The following NAV2 variants were observed in gnomAD, a reference collection of about 807,000 sequenced individuals.
NAV2 encodes the protein helicase, APC down-regulated 1.
In NAV2, 54 loss-of-function variants were observed where a neutral mutation model predicts 223.2. The observed-to-expected ratio is 0.24, with a 90% CI of 0.19 to 0.30. The LOEUF is 0.30. Ranked by LOEUF, NAV2 falls within the 10% of genes least tolerant of loss-of-function variation. The pLI is 1.00. For synonymous variants in NAV2, 1,279 were observed against 1,239.3 expected, an observed-to-expected ratio of 1.03 and a Z score of -0.67; for missense variants, 2,806 against 3,147.5, an observed-to-expected ratio of 0.89 and a Z score of 2.60.
chr11:19,862,012 C>G (rs1277393090), intron 3 of NAV2, among the ~76,000 whole-genome samples: 2 of 152,098 alleles, frequency 1.3e-5, no homozygotes, highest in African/African-American at 4.8e-5. Context: ...AGGTTGCTTT[C>G]TTTGTTTCAA....
intron 22 of NAV2, among the ~76,000 whole-genome samples, chr11:20,068,819 T>A (rs1489579714): frequency 1.3e-5 from 2 of 152,220 alleles, no homozygotes; most frequent in Non-Finnish European, 2.9e-5. Flanking sequence ...TCTGTCATTG[T>A]GATATACACG....
chr11:19,777,100 C>T (rs113091872), intron 1 of NAV2, among the ~76,000 whole-genome samples: 5,043 of 150,750 alleles, frequency 0.033, 159 homozygotes, highest in Middle Eastern at 0.063. Context: ...CCGACCCCCC[C>T]CCCCACCCCG....
intron 1 of NAV2, among the ~76,000 whole-genome samples, chr11:19,482,995 A>G (rs961199329): frequency 6.6e-6 from 1 of 152,168 alleles, no homozygotes; most frequent in South Asian, 2.1e-4. Flanking sequence ...GTTGTGCACC[A>G]TTGCCTTTCC....
At chr11:19,603,587 AC>A (rs2046403537) in intron 1 of NAV2, among the ~76,000 whole-genome samples, 1 of 145,558 alleles carries the variant, frequency 6.9e-6, no homozygotes, top group South Asian at 2.2e-4. Context: ...AGATTGCGCC[AC>A]TGCACTGCAC....
At chr11:19,369,935 GTTCAC>G (rs1848416109) in intron 1 of NAV2, among the ~76,000 whole-genome samples, 1 of 152,148 alleles carries the variant, frequency 6.6e-6, no homozygotes, top group Non-Finnish European at 1.5e-5. Flanking sequence ...AGGCTTCTGG[GTTCAC>G]TTCTCTGTAT....
chr11:19,494,895 G>T (rs2042745447), intron 1 of NAV2, among the ~76,000 whole-genome samples: 1 of 152,214 alleles, frequency 6.6e-6, no homozygotes. Flanking sequence ...CCGGGCTGTT[G>T]TGGTGCTGCA....
intron 26 of NAV2, among the ~76,000 whole-genome samples, chr11:20,089,128 T>C (rs1275470247): frequency 6.6e-6 from 1 of 152,230 alleles, no homozygotes; most frequent in Non-Finnish European, 1.5e-5. Context: ...CTCGCCCTTT[T>C]AGTCCTGAAT....
intron 1 of NAV2, among the ~76,000 whole-genome samples, chr11:19,465,855 A>G (rs895400676): frequency 2.0e-5 from 3 of 152,170 alleles, no homozygotes; most frequent in African/African-American, 4.8e-5. Flanking sequence ...GCTCTTTCTA[A>G]TATTTTAGGA....
At chr11:20,090,123 G>A (rs2153681874) in intron 26 of NAV2, among the ~76,000 whole-genome samples, 1 of 152,284 alleles carries the variant, frequency 6.6e-6, no homozygotes, top group African/African-American at 2.4e-5. Flanking sequence ...ATGTGATCAG[G>A]AACAGATTAA....
intron 1 of NAV2, among the ~76,000 whole-genome samples, chr11:19,522,476 G>A (rs888300446): frequency 6.6e-6 from 1 of 152,184 alleles, no homozygotes; most frequent in East Asian, 1.9e-4. Flanking sequence ...TCAGCAGTAA[G>A]GGGCCAGCAA....
rs186830471 is a variant in NAV2 at position 19,736,851 on chromosome 11, A to G, written c.267+22889A>G. On this transcript the variant is annotated intron_variant, in intron 1 of 37. Coordinates refer to ENST00000349880, the MANE Select transcript of NAV2 (RefSeq NM_145117.5). The stretch of plus-strand genomic sequence containing the variant: ...GGTGGGGTCTTCCTTTAGAGTTAGT[A>G]TAGCCACAACCACCTCCCCTAGGTT... Among the ~76,000 whole-genome samples the G allele has an allele frequency of 6.6e-3, 999 of 152,332 alleles. 10 individuals carry two copies. Among genetic ancestry groups the G allele is most frequent in the African/African-American group, 0.023 (947 of 41,578 alleles).
At chr11:19,902,646 A>C (rs1220577429) in intron 6 of NAV2, among the ~76,000 whole-genome samples, 1 of 152,232 alleles carries the variant, frequency 6.6e-6, no homozygotes, top group Non-Finnish European at 1.5e-5. Context: ...TTACGTGGAA[A>C]CTATCACACA....
chr11:19,905,675 T>C (rs2042809094), intron 6 of NAV2, among the ~76,000 whole-genome samples: 1 of 152,070 alleles, frequency 6.6e-6, no homozygotes, highest in African/African-American at 2.4e-5. Context: ...TGGCTTGGAG[T>C]GAAAACCAGT....
intron 1 of NAV2, among the ~76,000 whole-genome samples, chr11:19,529,644 G>T (rs75641456): frequency 0.028 from 4,255 of 152,282 alleles, 174 homozygotes; most frequent in African/African-American, 0.089. Context: ...TCTGCCCTAG[G>T]GACCACTGGA....
Position 20,077,420 on chromosome 11 carries a change from G to T in NAV2, c.4984-132G>T. On this transcript the variant is annotated intron_variant, in intron 22 of 37. Coordinates refer to ENST00000349880, the MANE Select transcript of NAV2 (RefSeq NM_145117.5). ...GGATCCCAAAGAGTGGTGGGGAGTG[G>T]GATTCAAGAGGAGGCTGAAAAAGTA... 5 of 632,840 alleles carry T rather than the reference G, an allele frequency of 7.9e-6. No individual in the cohort carries two copies. The South Asian group carries it at 9.8e-5, about 12-fold the overall frequency. 39.2% of individuals were successfully genotyped at this position (632,840 alleles called of 1,614,324 possible).
intron 22 of NAV2, among the ~76,000 whole-genome samples, chr11:20,070,349 A>G (rs2059321507): frequency 6.6e-6 from 1 of 152,196 alleles, no homozygotes; most frequent in Admixed American, 6.5e-5. Context: ...TAAGAGTTAC[A>G]GATGCCAATT....
chr11:19,634,585 T>C (rs2047438087), intron 1 of NAV2, among the ~76,000 whole-genome samples: 1 of 152,110 alleles, frequency 6.6e-6, no homozygotes, highest in South Asian at 2.1e-4. Context: ...ATTCGTTCCT[T>C]CAAAAAAACA....
chr11:19,898,761 A>C (rs10833188), intron 6 of NAV2, among the ~76,000 whole-genome samples: 3 of 152,052 alleles, frequency 2.0e-5, no homozygotes, highest in African/African-American at 4.8e-5. Context: ...ACCTATTTAT[A>C]TACCCATCAA....
intron 1 of NAV2, among the ~76,000 whole-genome samples, chr11:19,445,649 G>GA (rs1851555492): frequency 6.6e-6 from 1 of 152,150 alleles, no homozygotes; most frequent in Non-Finnish European, 1.5e-5. Context: ...ATGTAGCTAG[G>GA]AAAAAGCAGA....
Sources: gnomAD v4.1 joint callset for allele counts (sites outside exome capture counted in the v4.1 genomes callset) on GRCh38, gnomAD v4.1.1 for gene constraint, MANE v1.5 for transcripts, NCBI Gene and HGNC (gene_info 2026-07-23, HGNC 2026-07-21) for gene names.